Variants in PCDHGA7 observed in about 807,000 individuals in gnomAD.
PCDHGA7 encodes protocadherin gamma-A7.
Under a neutral mutation model 58.3 loss-of-function variants are expected in PCDHGA7, and 44 were observed. The ratio of observed to expected loss-of-function variants is 0.75; its 90% CI spans 0.59 to 0.97. The LOEUF (loss-of-function observed/expected upper bound fraction) is 0.97. PCDHGA7 is among the 50% of genes least tolerant of loss of function. PCDHGA7 has a pLI of 0.00. For missense variants in PCDHGA7, 1,266 were observed against 1,188.7 expected (o/e 1.06, Z -0.96); for synonymous variants, 516 against 504.2 (o/e 1.02, Z -0.31).
Position 141,383,347 on chromosome 5 carries a change from G to T in PCDHGA7, c.448G>T (p.Val150Phe). ...VKIMENTAPG[V>F]RFPLSEAGDP... is the part of the protein sequence containing the mutation. ...AATAATGGAGAATACAGCTCCTGGG[G>T]TTCGGTTTCCGTTAAGCGAGGCTGG... Residue 150 changes from valine to phenylalanine, a missense_variant, in exon 1 of 4, where the codon GTT (valine) becomes TTT (phenylalanine). Transcript: ENST00000518325. The T allele has an allele frequency of 6.2e-7, 1 of 1,614,012 alleles. No individual in the cohort carries two copies. Among genetic ancestry groups the T allele is most frequent in the South Asian group, 1.1e-5 (1 of 91,082 alleles).
Position 141,390,370 on chromosome 5 carries a change from A to T in PCDHGA7, c.2424+5047A>T, listed in dbSNP as rs1252386186. On this transcript the variant is annotated intron_variant, in intron 1 of 3. Coordinates refer to ENST00000518325, the MANE Select transcript of PCDHGA7 (RefSeq NM_018920.4). ...AATATACATATTTGCAGGAAAATAT[A>T]TAATTTTTAGATGTCATGGATCATT... 4 of 1,504,066 alleles carry T rather than the reference A, an allele frequency of 2.7e-6. No individual in the cohort carries two copies. In the African/African-American group the frequency reaches 4.2e-5, roughly 16 times the overall value. The allele number at this position is 1,504,066 out of a possible 1,614,324, so 93.2% of individuals were successfully genotyped here. A position where few individuals can be genotyped will look rare whatever the true frequency, so the allele number is the denominator to read the frequency against.
chr5:141,398,689 G>T, intron 1 of PCDHGA7: 1 of 1,613,766 alleles, frequency 6.2e-7, no homozygotes, highest in Non-Finnish European at 8.5e-7. Context: ...GAAACAGGAT[G>T]GTAGTAAATA....
At position 141,395,016 on chromosome 5, in the gene PCDHGA7, G is replaced by C. The variant is rs772379480; in HGVS notation, c.2424+9693G>C. The C allele has an allele frequency of 4.3e-6, 7 of 1,613,950 alleles. No homozygotes were observed. In the Admixed American group the frequency reaches 5.0e-5, roughly 12 times the overall value. ...GGATTCCGGTGGCAGATTGGTAGGCGTGCCTGCCTCACATTTTGTGGGTGT... is the reference window on the plus strand; with the variant it reads ...GGATTCCGGTGGCAGATTGGTAGGCCTGCCTGCCTCACATTTTGTGGGTGT... On this transcript the variant is annotated intron_variant, in intron 1 of 3. Coordinates refer to ENST00000518325, the MANE Select transcript of PCDHGA7 (RefSeq NM_018920.4).
Position 141,463,645 on chromosome 5 carries a change from G to T in PCDHGA7, c.2425-31162G>T, listed in dbSNP as rs372962993. ...TTGTATTTTGTTTAGTAGAGACGGG[G>T]TTTCACCGTGTTAGCCAGGATGGTC... On this transcript the variant is annotated intron_variant, in intron 1 of 3. Transcript: ENST00000518325. 7.9e-5 allele frequency among the ~76,000 whole-genome samples: 12 copies of T among 151,840 alleles called. No individual in the cohort carries two copies. In the East Asian group the frequency reaches 2.1e-3, roughly 27 times the overall value.
chr5:141,487,256 G>A lies in PCDHGA7; in HGVS notation c.2425-7551G>A. ...ATCTCGTCTAACCCTCTACTTGGCTGTGTCCCTAGTGGCAATTTGCTTTGT... is the reference window on the plus strand; with the variant it reads ...ATCTCGTCTAACCCTCTACTTGGCTATGTCCCTAGTGGCAATTTGCTTTGT... On this transcript the variant is annotated intron_variant, in intron 1 of 3. Transcript: ENST00000518325. The surrounding 1 kb of genome is among the most constrained non-coding windows in gnomAD (Gnocchi z 5.0). The A allele has an allele frequency of 6.2e-7, 1 of 1,614,166 alleles. No individual in the cohort carries two copies. The highest frequency in any genetic ancestry group is 8.5e-7 in the Non-Finnish European group (1 of 1,180,032).
In PCDHGA7 at chr5:141,486,565, T is replaced by C; in HGVS notation, c.2425-8242T>C. ...TTCAGAGGTCACATGAGGTGTTTGT[T>C]CCTGAGAACAATCGCCCAGGGGACC... On this transcript the variant is annotated intron_variant, in intron 1 of 3. Coordinates refer to ENST00000518325, the MANE Select transcript of PCDHGA7 (RefSeq NM_018920.4). The surrounding 1 kb of genome is among the most constrained non-coding windows in gnomAD (Gnocchi z 5.0). 6.2e-7 allele frequency: 1 copy of C among 1,614,024 alleles called. No homozygotes were observed. Among genetic ancestry groups the C allele is most frequent in the Non-Finnish European group, 8.5e-7 (1 of 1,180,032 alleles).
At chr5:141,413,181 C>T in intron 1 of PCDHGA7, 8 of 1,602,880 alleles carry the variant, frequency 5.0e-6, no homozygotes, top group Non-Finnish European at 6.8e-6. Context: ...CTACAATGGC[C>T]GCTCAAAGGA....
rs773942024 is a variant in PCDHGA7, at chr5:141,433,234, C to G, written c.2424+47911C>G. 3.3e-6 allele frequency: 5 copies of G among 1,512,860 alleles called. No homozygotes were observed. In the South Asian group the frequency reaches 5.0e-5, roughly 15 times the overall value. The allele number at this position is 1,512,860 out of a possible 1,614,324, so 93.7% of individuals were successfully genotyped here. A position where few individuals can be genotyped will look rare whatever the true frequency, so the allele number is the denominator to read the frequency against. On this transcript the variant is annotated intron_variant, in intron 1 of 3. Coordinates refer to ENST00000518325, the MANE Select transcript of PCDHGA7 (RefSeq NM_018920.4). ...TTTTTTTTTTTTAATTGCTCTGTCT[C>G]CCAAGCTGGAATGCAGCGGTACGAT...
In PCDHGA7 at chr5:141,489,504, A is replaced by G. The variant is rs148241772; in HGVS notation, c.2425-5303A>G. 193 of 1,614,016 alleles carry G rather than the reference A, an allele frequency of 1.2e-4. No individual in the cohort carries two copies. Among genetic ancestry groups the G allele is most frequent in the Non-Finnish European group, 1.6e-4 (184 of 1,180,046 alleles). On this transcript the variant is annotated intron_variant, in intron 1 of 3. Transcript: ENST00000518325. The surrounding 1 kb of genome is among the most constrained non-coding windows in gnomAD (Gnocchi z 4.5). ...TGAGTGGTGCCCTGGCAGTGAATCA[A>G]AAGATTGACCGAGAAAGCCTATGTG...
chr5:141,430,595 G>A (rs549786394), intron 1 of PCDHGA7: 28 of 567,134 alleles, frequency 4.9e-5, no homozygotes, highest in African/African-American at 3.8e-4. Flanking sequence ...CCTTGCACGC[G>A]CCTGAAGCAC....
In PCDHGA7 at chr5:141,432,177, CTG is replaced by C. The variant is rs769631339; in HGVS notation, c.2424+46857_2424+46858del. 4 of 1,614,102 alleles carry C rather than the reference CTG, an allele frequency of 2.5e-6. No homozygotes were observed. Among genetic ancestry groups the C allele is most frequent in the Admixed American group, 1.7e-5 (1 of 60,012 alleles). ...AATCCCAGAGGAGTTTCCCTCGTCT[CTG>C]TGACCGCCCACGACCCCGACTGTGA... On this transcript the variant is annotated intron_variant, in intron 1 of 3. Transcript: ENST00000518325. The surrounding 1 kb of genome is among the most constrained non-coding windows in gnomAD (Gnocchi z 6.0).
rs1011731430 is a variant in PCDHGA7, at chr5:141,489,676, G to A, written c.2425-5131G>A. 6.2e-7 allele frequency: 1 copy of A among 1,614,158 alleles called. No individual in the cohort carries two copies. The highest frequency in any genetic ancestry group is 8.5e-7 in the Non-Finnish European group (1 of 1,180,008). On this transcript the variant is annotated intron_variant, in intron 1 of 3. Coordinates refer to ENST00000518325, the MANE Select transcript of PCDHGA7 (RefSeq NM_018920.4). This position sits in a 1 kb window ranked among gnomAD's most constrained non-coding sequence, Gnocchi z 4.5. ...GCGAGAGATGCGCATCTCAGAATCAGCAGCATCTGGGGCACGATTCCCACT... is the reference window on the plus strand; with the variant it reads ...GCGAGAGATGCGCATCTCAGAATCAACAGCATCTGGGGCACGATTCCCACT...
chr5:141,383,538 A>G lies in PCDHGA7; in HGVS notation c.639A>G (p.Thr213=). The change falls in exon 1 of 4, where the codon ACA becomes ACG. Residue 213 remains threonine, a synonymous_variant. Coordinates refer to ENST00000518325, the MANE Select transcript of PCDHGA7 (RefSeq NM_018920.4). ...EEERVHHLVL[T]ASDGGDPPRS... is the part of the protein sequence containing the mutation. ...AGCGGGTTCACCACCTGGTCCTCAC[A>G]GCCTCTGATGGCGGCGACCCGCCCC... The G allele has an allele frequency of 6.2e-7, 1 of 1,612,704 alleles. No individual in the cohort carries two copies. The highest frequency in any genetic ancestry group is 1.3e-5 in the African/African-American group (1 of 75,018).
At chr5:141,409,389 C>T (rs1445649056) in intron 1 of PCDHGA7, 2 of 1,613,888 alleles carry the variant, frequency 1.2e-6, no homozygotes, top group Non-Finnish European at 1.7e-6. Flanking sequence ...AAGATTTATT[C>T]TTCTTCCAAT....
intron 1 of PCDHGA7, among the ~76,000 whole-genome samples, chr5:141,426,115 G>A (rs574477590): frequency 4.6e-5 from 7 of 152,364 alleles, no homozygotes; most frequent in South Asian, 2.1e-4. Flanking sequence ...GAAGCAAGTC[G>A]GAGAGTGGCC....
intron 1 of PCDHGA7, chr5:141,399,375 C>T (rs548275013): frequency 1.9e-6 from 3 of 1,614,016 alleles, no homozygotes; most frequent in South Asian, 2.2e-5. Flanking sequence ...AGTACAATGT[C>T]ACCATCACAG....
rs758993148 is a variant in PCDHGA7 at position 141,430,863 on chromosome 5, T to C, written c.2424+45540T>C. On this transcript the variant is annotated intron_variant, in intron 1 of 3. Transcript: ENST00000518325. Reference sequence around the variant, plus strand: ...GGATGCACCCAGATACGCTATTCAGTTCCGGAAGAGCTGGAGAAAGGCTCT... The same window carrying C: ...GGATGCACCCAGATACGCTATTCAGCTCCGGAAGAGCTGGAGAAAGGCTCT... 8 of 1,594,990 alleles carry C rather than the reference T, an allele frequency of 5.0e-6. No individual in the cohort carries two copies. In the South Asian group the frequency reaches 8.0e-5, roughly 16 times the overall value.
chr5:141,410,234 CG>C, intron 1 of PCDHGA7: 1 of 1,613,984 alleles, frequency 6.2e-7, no homozygotes, highest in Non-Finnish European at 8.5e-7. Context: ...CCTCAGCGAC[CG>C]CCCTGTACTC....
chr5:141,476,747 C>T lies in PCDHGA7; in HGVS notation c.2425-18060C>T. The T allele has an allele frequency of 6.2e-7, 1 of 1,614,066 alleles. No homozygotes were observed. The highest frequency in any genetic ancestry group is 8.5e-7 in the Non-Finnish European group (1 of 1,180,036). On this transcript the variant is annotated intron_variant, in intron 1 of 3. Transcript: ENST00000518325. This position sits in a 1 kb window ranked among gnomAD's most constrained non-coding sequence, Gnocchi z 7.6. The stretch of plus-strand genomic sequence containing the variant: ...GGACCGAGAACGGGAGCCTAGTCTC[C>T]AGTTAGTGCTGACGGCGTTGGACGG...
Sources: allele counts gnomAD v4.1 joint callset (sites outside exome capture counted in the v4.1 genomes callset), GRCh38; gene constraint gnomAD v4.1.1; non-coding constraint Gnocchi (gnomAD v3.1); transcripts MANE v1.5; gene names NCBI Gene and HGNC (gene_info 2026-07-23, HGNC 2026-07-21).